The following MAP4 variants were observed in gnomAD, a reference collection of about 807,000 sequenced individuals.
The protein encoded by MAP4 is microtubule-associated protein 4.
A neutral mutation model predicts 170.2 loss-of-function variants in MAP4; 76 were observed. The ratio of observed to expected loss-of-function variants is 0.45; its 90% CI spans 0.37 to 0.54. The LOEUF (loss-of-function observed/expected upper bound fraction) is 0.54. Ranked by LOEUF, MAP4 falls within the 20% of genes least tolerant of loss-of-function variation. The probability of loss-of-function intolerance (pLI) is 0.00; values close to 1 mark genes in which losing one functional copy is unlikely to be tolerated. For missense variants in MAP4, 2,506 were observed against 2,748.0 expected (o/e 0.91, Z 1.97); for synonymous variants, 909 against 994.5 (o/e 0.91, Z 1.62).
chr3:48,035,575 A>G (rs1381203241), intron 1 of MAP4, among the ~76,000 whole-genome samples: 1 of 152,142 alleles, frequency 6.6e-6, no homozygotes, highest in Non-Finnish European at 1.5e-5. Flanking sequence ...TTGAGGCTGC[A>G]GTGAGTCGTG....
chr3:48,001,217 A>G (rs1028384427), intron 1 of MAP4, among the ~76,000 whole-genome samples: 7 of 152,210 alleles, frequency 4.6e-5, no homozygotes, highest in Non-Finnish European at 1.0e-4. Context: ...TGTGTTCAGT[A>G]CTGGGAATGC....
intron 13 of MAP4, among the ~76,000 whole-genome samples, chr3:47,871,574 C>T (rs1015790210): frequency 1.3e-5 from 2 of 152,076 alleles, no homozygotes; most frequent in East Asian, 3.9e-4. Flanking sequence ...ATGAGCACCA[C>T]GCCCTCTTCT....
At chr3:48,041,432 T>C (rs2100121580) in intron 1 of MAP4, among the ~76,000 whole-genome samples, 1 of 150,344 alleles carries the variant, frequency 6.7e-6, no homozygotes, top group African/African-American at 2.5e-5. Flanking sequence ...ATTTATACTC[T>C]GAAAAATTAA....
chr3:47,864,550 G>C (rs1455390226), intron 17 of MAP4, among the ~76,000 whole-genome samples: 1 of 152,092 alleles, frequency 6.6e-6, no homozygotes, highest in Non-Finnish European at 1.5e-5. Context: ...TGTGGCGGGC[G>C]CCTGTAGTCC....
intron 9 of MAP4, among the ~76,000 whole-genome samples, chr3:47,907,357 T>A (rs920721762): frequency 9.9e-5 from 15 of 152,198 alleles, no homozygotes; most frequent in African/African-American, 3.6e-4. Flanking sequence ...CCAACTTACG[T>A]TTTACTGTAT....
intron 10 of MAP4, among the ~76,000 whole-genome samples, chr3:47,879,357 T>C (rs897072337): frequency 5.9e-5 from 9 of 152,154 alleles, no homozygotes; most frequent in African/African-American, 1.4e-4. Context: ...TTTGAAAGGA[T>C]TGTAATTAAA....
At chr3:48,061,430 G>A (rs1454835226) in intron 1 of MAP4, among the ~76,000 whole-genome samples, 2 of 152,168 alleles carry the variant, frequency 1.3e-5, no homozygotes, top group Admixed American at 1.3e-4. Flanking sequence ...CTAACTGCGA[G>A]TGATCTGCCA....
chr3:47,910,768 C>T lies in MAP4; in HGVS notation c.3653G>A (p.Ser1218Asn), dbSNP rs1481520353. The change falls in exon 9 of 21, where the codon AGC becomes AAC. Residue 1218 changes from serine (S) to asparagine (N), a missense_variant. Transcript: ENST00000683076. ...KPKKRGNEGK[S>N]KKFKNNYSTQ... ...GGAATAATTATTTTTAAACTTTTTG[C>T]TTTTGCCTTCATTGCCTCTCTTTTT... is the stretch of plus-strand genomic sequence containing the variant. The T allele has an allele frequency of 6.5e-7, 1 of 1,536,068 alleles. No homozygotes were observed. The highest frequency in any genetic ancestry group is 8.7e-7 in the Non-Finnish European group (1 of 1,146,884).
At chr3:47,973,245 A>C in intron 3 of MAP4, 1 of 982,256 alleles carries the variant, frequency 1.0e-6, no homozygotes, top group African/African-American at 1.8e-5. Flanking sequence ...CTACATCTTC[A>C]ACATTGGGCC....
intron 3 of MAP4, among the ~76,000 whole-genome samples, chr3:47,968,977 A>G (rs1398549670): frequency 6.6e-6 from 1 of 152,234 alleles, no homozygotes; most frequent in African/African-American, 2.4e-5. Flanking sequence ...CAAACAAATT[A>G]TATAACCTAG....
upstream of MAP4, among the ~76,000 whole-genome samples, chr3:48,019,320 C>T (rs576440462): frequency 1.2e-3 from 175 of 151,652 alleles, 1 homozygote; most frequent in Admixed American, 1.8e-3. Flanking sequence ...CCAGTCTGGG[C>T]GAGAAAGTGA....
intron 1 of MAP4, among the ~76,000 whole-genome samples, chr3:48,002,951 C>T (rs1441883012): frequency 6.3e-5 from 5 of 79,498 alleles, no homozygotes; most frequent in Non-Finnish European, 1.4e-4. Context: ...AACATTAAGG[C>T]CAAAAATAAA....
intron 3 of MAP4, among the ~76,000 whole-genome samples, chr3:47,976,906 T>C (rs2100082499): frequency 6.6e-6 from 1 of 152,232 alleles, no homozygotes; most frequent in Non-Finnish European, 1.5e-5. Context: ...CTGCTATTGC[T>C]AACAGAAGGC....
At chr3:48,060,411 C>G (rs1356225085) in intron 1 of MAP4, among the ~76,000 whole-genome samples, 2 of 151,890 alleles carry the variant, frequency 1.3e-5, no homozygotes, top group African/African-American at 4.8e-5. Context: ...TAGAGGATAA[C>G]ATAGAAGAAA....
At chr3:48,066,830 T>A (rs1306212860) in intron 1 of MAP4, among the ~76,000 whole-genome samples, 10 of 20,490 alleles carry the variant, frequency 4.9e-4, no homozygotes, top group Non-Finnish European at 1.3e-3. Context: ...TCCTTTTTTT[T>A]TTTTTTTTTT....
At chr3:48,018,381 C>T (rs951565030), upstream of MAP4, among the ~76,000 whole-genome samples, 12 of 152,084 alleles carry the variant, frequency 7.9e-5, no homozygotes, top group African/African-American at 2.4e-5. Flanking sequence ...TAAAATGACA[C>T]GATGAAAGTT....
At chr3:48,084,835 G>T (rs1229119510) in intron 1 of MAP4, among the ~76,000 whole-genome samples, 2 of 151,362 alleles carry the variant, frequency 1.3e-5, no homozygotes, top group Non-Finnish European at 2.9e-5. Context: ...TGGAGACAGG[G>T]TCTCACTATG....
intron 2 of MAP4, among the ~76,000 whole-genome samples, chr3:47,985,571 A>G (rs1424407426): frequency 6.6e-6 from 1 of 152,246 alleles, no homozygotes; most frequent in Non-Finnish European, 1.5e-5. Context: ...GATGTGGTGC[A>G]CTTAGGACAC....
In MAP4 at chr3:47,871,020, C is replaced by T. The variant is rs984066526; in HGVS notation, c.6087G>A (p.Val2029=). Residue 2029 remains valine (V), a synonymous_variant, in exon 15 of 21, where the codon GTG becomes GTA. Coordinates refer to ENST00000683076, the MANE Select transcript of MAP4 (RefSeq NM_001385682.1). The part of the protein sequence containing the change: ...TLSGTAPAAG[V]VPSRVKATPM... The stretch of plus-strand genomic sequence containing the variant: ...GTGTGGCCTTGACTCGGCTGGGAAC[C>T]ACCCCTGCAGCGGGGGCTGTCCCAC... The T allele has an allele frequency of 1.2e-6, 2 of 1,614,124 alleles. No homozygotes were observed. The highest frequency in any genetic ancestry group is 1.7e-6 in the Non-Finnish European group (2 of 1,179,992).
Sources: gnomAD v4.1 joint callset for allele counts (sites outside exome capture counted in the v4.1 genomes callset) on GRCh38, gnomAD v4.1.1 for gene constraint, MANE v1.5 for transcripts, NCBI Gene and HGNC (gene_info 2026-07-23, HGNC 2026-07-21) for gene names.